Variants in PRKAR2B observed in about 807,000 individuals in gnomAD.
The protein encoded by PRKAR2B is protein kinase cAMP-dependent type II regulatory subunit beta.
PRKAR2B carries 14 observed loss-of-function variants against 49.9 expected under a neutral mutation model. That is an observed-to-expected ratio of 0.28 (90% CI 0.19 to 0.44). The LOEUF (loss-of-function observed/expected upper bound fraction) is 0.44, where lower values mean the gene tolerates loss of function less well. PRKAR2B is among the 20% of genes least tolerant of loss of function. The pLI is 1.00. For synonymous variants in PRKAR2B, 196 were observed against 197.7 expected (o/e 0.99, Z 0.07); for missense variants, 393 against 537.9 (o/e 0.73, Z 2.67).
At chr7:107,073,076 A>T (rs1794313537) in intron 2 of PRKAR2B, among the ~76,000 whole-genome samples, 2 of 152,238 alleles carry the variant, frequency 1.3e-5, no homozygotes, top group South Asian at 4.1e-4. Context: ...ACTATGAATT[A>T]TAATTAATAA....
At chr7:107,138,331 G>A (rs949057431) in intron 4 of PRKAR2B, among the ~76,000 whole-genome samples, 2 of 152,188 alleles carry the variant, frequency 1.3e-5, no homozygotes, top group Admixed American at 1.3e-4. Flanking sequence ...TCTGTGTCAT[G>A]TGTTGGGGTA....
rs117242917 is a variant in PRKAR2B at position 107,063,705 on chromosome 7, A to G, written c.308-6576A>G. On this transcript the variant is annotated intron_variant, in intron 1 of 10. Transcript: ENST00000265717. ...TATTTTCTATAACCGTACTCTTATT[A>G]GTAGGCCAACCTTAATCACATCCCT... Among the ~76,000 whole-genome samples, 731 of 152,318 alleles carry G rather than the reference A, an allele frequency of 4.8e-3. 3 individuals carry two copies. Among genetic ancestry groups the G allele is most frequent in the Non-Finnish European group, 7.9e-3 (539 of 68,022 alleles).
intron 1 of PRKAR2B, among the ~76,000 whole-genome samples, chr7:107,063,246 C>G (rs1172740048): frequency 6.6e-6 from 1 of 152,212 alleles, no homozygotes; most frequent in East Asian, 1.9e-4. Flanking sequence ...ATCTGCCCAC[C>G]TGGGCCTCCC....
intron 2 of PRKAR2B, among the ~76,000 whole-genome samples, chr7:107,092,265 G>A (rs1447100342): frequency 6.7e-6 from 1 of 149,252 alleles, no homozygotes; most frequent in African/African-American, 2.5e-5. Flanking sequence ...GTGTGTGTGT[G>A]TGTGCGTGTG....
intron 2 of PRKAR2B, among the ~76,000 whole-genome samples, chr7:107,078,420 G>T (rs1584415876): frequency 6.6e-6 from 1 of 150,732 alleles, no homozygotes. Context: ...ACCTAAGGAG[G>T]TTCTCTGAGA....
Position 107,128,272 on chromosome 7 carries a change from C to T in PRKAR2B, c.457C>T (p.Leu153=). Residue 153 remains leucine (L), a synonymous_variant, in exon 4 of 11, where the codon CTG becomes TTG. Transcript: ENST00000265717. ...NRLQEACKDI[L]LFKNLDPEQM... The stretch of plus-strand genomic sequence containing the variant: ...GTTGCAAGAGGCTTGCAAAGACATC[C>T]TGCTGTTTAAGAATCTGGATCCGGT... The T allele has an allele frequency of 6.2e-7, 1 of 1,611,586 alleles. No homozygotes were observed. Among genetic ancestry groups the T allele is most frequent in the Non-Finnish European group, 8.5e-7 (1 of 1,177,720 alleles).
intron 1 of PRKAR2B, among the ~76,000 whole-genome samples, chr7:107,059,147 A>C (rs778595223): frequency 1.3e-5 from 2 of 152,092 alleles, no homozygotes; most frequent in Non-Finnish European, 2.9e-5. Context: ...AATTAGCCGG[A>C]TGTAATGGCA....
chr7:107,087,460 A>T (rs1453303808), intron 2 of PRKAR2B, among the ~76,000 whole-genome samples: 2 of 152,216 alleles, frequency 1.3e-5, no homozygotes, highest in African/African-American at 4.8e-5. Context: ...TTTAGAGCTT[A>T]CTGTGAGCCA....
chr7:107,064,295 T>C (rs757481520), intron 1 of PRKAR2B, among the ~76,000 whole-genome samples: 1 of 152,248 alleles, frequency 6.6e-6, no homozygotes, highest in Non-Finnish European at 1.5e-5. Context: ...TTAATCATTC[T>C]ATTACTTTCA....
chr7:107,050,333 C>CTTTTTTTTTTTTTTTTT (rs57752789), intron 1 of PRKAR2B, among the ~76,000 whole-genome samples: 1 of 68,582 alleles, frequency 1.5e-5, no homozygotes, highest in African/African-American at 7.2e-5. Flanking sequence ...CAGTTACCAG[C>CTTTTTTTTTTTTTTTTT]TTTTTTTTTT....
At chr7:107,091,760 C>T (rs1157653410) in intron 2 of PRKAR2B, 2 of 152,168 alleles carry the variant, frequency 1.3e-5, no homozygotes, top group African/African-American at 4.8e-5. Context: ...GTGACAGTCT[C>T]CAGCAGTGGC....
At chr7:107,121,418 AGTG>A (rs1448564269) in intron 2 of PRKAR2B, among the ~76,000 whole-genome samples, 1 of 152,174 alleles carries the variant, frequency 6.6e-6, no homozygotes, top group African/African-American at 2.4e-5. Context: ...AAATTCTTAC[AGTG>A]TTAAATGAAA....
At chr7:107,080,828 G>T (rs1794500983) in intron 2 of PRKAR2B, among the ~76,000 whole-genome samples, 1 of 151,996 alleles carries the variant, frequency 6.6e-6, no homozygotes. Context: ...ATTCAATGAG[G>T]GCCTACAATG....
chr7:107,096,628 G>C (rs917361244), intron 2 of PRKAR2B, among the ~76,000 whole-genome samples: 7 of 152,014 alleles, frequency 4.6e-5, no homozygotes, highest in African/African-American at 1.4e-4. Flanking sequence ...GATCTTTCCT[G>C]CTTTCTCTTG....
chr7:107,159,875 G>A lies in PRKAR2B; in HGVS notation c.*293G>A. Reference sequence around the variant, plus strand: ...ATTGTAATATATAGAAAGTATCTGTGTTTAAGAAGATAATTAAAGGATGTT... The same window carrying A: ...ATTGTAATATATAGAAAGTATCTGTATTTAAGAAGATAATTAAAGGATGTT... On this transcript the variant is annotated 3_prime_UTR_variant, in exon 11 of 11. Transcript: ENST00000265717. 1 of 260,336 alleles carries A rather than the reference G, an allele frequency of 3.8e-6. No individual in the cohort carries two copies. The allele number at this position is 260,336 out of a possible 1,614,324, so 16.1% of individuals were successfully genotyped here. A position where few individuals can be genotyped will look rare whatever the true frequency, so the allele number is the denominator to read the frequency against.
At chr7:107,122,616 A>T (rs1312223799) in intron 3 of PRKAR2B, among the ~76,000 whole-genome samples, 2 of 151,826 alleles carry the variant, frequency 1.3e-5, no homozygotes, top group Non-Finnish European at 2.9e-5. Context: ...TTTCTGCGTC[A>T]CCCTCCCCCC....
chr7:107,086,940 ATTG>A (rs1333012583), intron 2 of PRKAR2B, among the ~76,000 whole-genome samples: 2 of 152,154 alleles, frequency 1.3e-5, no homozygotes, highest in Non-Finnish European at 2.9e-5. Flanking sequence ...TATAACAACT[ATTG>A]TTTAACACAA....
intron 1 of PRKAR2B, among the ~76,000 whole-genome samples, chr7:107,052,516 G>A (rs1303197420): frequency 6.6e-6 from 1 of 152,146 alleles, no homozygotes; most frequent in African/African-American, 2.4e-5. Context: ...TTTACACATT[G>A]TCATCTGAAC....
At chr7:107,089,922 G>A (rs1053335261) in intron 2 of PRKAR2B, among the ~76,000 whole-genome samples, 1 of 152,280 alleles carries the variant, frequency 6.6e-6, no homozygotes, top group African/African-American at 2.4e-5. Context: ...ACTAGCATTT[G>A]AATCTGTCAT....
Sources: gnomAD v4.1 joint callset for allele counts (sites outside exome capture counted in the v4.1 genomes callset) on GRCh38, gnomAD v4.1.1 for gene constraint, MANE v1.5 for transcripts, NCBI Gene and HGNC (gene_info 2026-07-23, HGNC 2026-07-21) for gene names.